EIF2A: variants seen among roughly 807,000 people sequenced by gnomAD.
EIF2A encodes 65 kDa eukaryotic translation initiation factor 2A.
A neutral mutation model predicts 75.2 loss-of-function variants in EIF2A; 62 were observed. That is an observed-to-expected ratio of 0.82 (90% CI 0.67 to 1.02). The LOEUF is 1.02. Ranked by LOEUF, EIF2A falls within the 50% of genes least tolerant of loss-of-function variation. The pLI is 0.00. For missense variants in EIF2A, 611 were observed against 677.7 expected (o/e 0.90, Z 1.09); for synonymous variants, 207 against 239.0 (o/e 0.87, Z 1.23).
intron 6 of EIF2A, chr3:150,565,013 T>A: frequency 6.5e-6 from 2 of 306,108 alleles, no homozygotes; most frequent in Non-Finnish European, 1.3e-5. Context: ...TTGATTGATA[T>A]ATCTTTTATG....
chr3:150,569,986 T>C (rs991475485), intron 9 of EIF2A, among the ~76,000 whole-genome samples: 2 of 152,160 alleles, frequency 1.3e-5, no homozygotes, highest in African/African-American at 4.8e-5. Context: ...GGAGAAAATA[T>C]TGATCATTTA....
Position 150,568,161 on chromosome 3 carries a change from T to C in EIF2A, c.695-15T>C. 6.2e-7 allele frequency: 1 copy of C among 1,607,236 alleles called. No homozygotes were observed. Among genetic ancestry groups the C allele is most frequent in the Non-Finnish European group, 8.5e-7 (1 of 1,177,862 alleles). On this transcript the variant is annotated splice_polypyrimidine_tract_variant and intron_variant, in intron 8 of 13. Coordinates refer to ENST00000460851, the MANE Select transcript of EIF2A (RefSeq NM_032025.5). ...ATTTGTGTTTTAAATCTAATTAAAGTTTTTACTGTTATAGCTACTGCTGTG... is the reference window on the plus strand; with the variant it reads ...ATTTGTGTTTTAAATCTAATTAAAGCTTTTACTGTTATAGCTACTGCTGTG...
intron 13 of EIF2A, among the ~76,000 whole-genome samples, 140 bp from the exon 14 acceptor site, chr3:150,583,685 ATACCAGATAACAAATTAGAAT>A (rs372672704): frequency 0.014 from 2,207 of 152,296 alleles, 54 homozygotes; most frequent in African/African-American, 0.051. Context: ...CCCTCGATTC[ATACCAGATAACAAATTAGAAT>A]TTGTTTCTAA....
At chr3:150,576,236 G>A (rs776885655) in intron 11 of EIF2A, among the ~76,000 whole-genome samples, 22 of 152,188 alleles carry the variant, frequency 1.4e-4, no homozygotes, top group Non-Finnish European at 2.4e-4. Flanking sequence ...AGCCCAGTTC[G>A]AGACCAGCCT....
At chr3:150,566,547 A>G (rs144820900) in intron 6 of EIF2A, 133 of 151,964 alleles carry the variant, frequency 8.8e-4, no homozygotes, top group African/African-American at 3.0e-3. Context: ...TCATAATTTT[A>G]TTTAAATTAA....
chr3:150,573,547 C>G (rs539952499), intron 10 of EIF2A, among the ~76,000 whole-genome samples: 1 of 152,160 alleles, frequency 6.6e-6, no homozygotes, highest in African/African-American at 2.4e-5. Context: ...CCACTGTACC[C>G]GGCCAGGATT....
chr3:150,552,319 C>G, intron 1 of EIF2A, 37 bp from the exon 2 acceptor site: 5 of 1,522,084 alleles, frequency 3.3e-6, no homozygotes, highest in Non-Finnish European at 4.4e-6. Flanking sequence ...TCTTTATTAA[C>G]AAAGTAATTG....
rs1559880993 is a variant in EIF2A at position 150,567,978 on chromosome 3, C to T, written c.626C>T (p.Pro209Leu). The T allele has an allele frequency of 1.9e-6, 3 of 1,613,400 alleles. No individual in the cohort carries two copies. Among genetic ancestry groups the T allele is most frequent in the Middle Eastern group, 1.7e-4 (1 of 6,056 alleles). ...RLYQYPNFAG[P>L]HAALANKSFF... ...TATCAGTACCCCAACTTTGCTGGAC[C>T]TCATGCAGCTTTAGCTAATAAAAGT... is the stretch of plus-strand genomic sequence containing the variant. The change falls in exon 8 of 14, where the codon CCT (proline) becomes CTT (leucine). Residue 209 changes from proline (P) to leucine (L), a missense_variant. Transcript: ENST00000460851.
chr3:150,555,152 C>T (rs1369431969), intron 2 of EIF2A, among the ~76,000 whole-genome samples: 2 of 152,144 alleles, frequency 1.3e-5, no homozygotes, highest in Non-Finnish European at 1.5e-5. Context: ...TGCTCTCCAA[C>T]TCCTGGGCTC....
intron 3 of EIF2A, 76 bp downstream of exon 3, chr3:150,558,538 T>C: frequency 8.1e-7 from 1 of 1,241,154 alleles, no homozygotes; most frequent in Non-Finnish European, 1.1e-6. Context: ...ATAACAGATA[T>C]TTGAGTGTCA....
intron 9 of EIF2A, among the ~76,000 whole-genome samples, chr3:150,568,654 C>G (rs185846746): frequency 6.6e-6 from 1 of 152,098 alleles, no homozygotes; most frequent in Non-Finnish European, 1.5e-5. Context: ...TGGCTCGTGC[C>G]AGTAATTCCA....
chr3:150,574,294 A>G (rs760159997), intron 10 of EIF2A, among the ~76,000 whole-genome samples: 30 of 152,218 alleles, frequency 2.0e-4, no homozygotes, highest in Non-Finnish European at 4.1e-4. Flanking sequence ...CTCATGATTT[A>G]TAGTAGTTGT....
chr3:150,569,722 T>C (rs201517474), intron 9 of EIF2A, among the ~76,000 whole-genome samples: 3 of 151,634 alleles, frequency 2.0e-5, no homozygotes, highest in African/African-American at 7.3e-5. Flanking sequence ...GGCTGAGGCA[T>C]GAGAATTGCT....
In EIF2A at chr3:150,568,206, A is replaced by G; in HGVS notation, c.725A>G (p.Asp242Gly). The G allele has an allele frequency of 6.2e-7, 1 of 1,613,524 alleles. No homozygotes were observed. The change falls in exon 9 of 14, where the codon GAT becomes GGT. Residue 242 changes from aspartate (D) to glycine (G), a missense_variant. By Grantham distance (94) the Asp-to-Gly change is moderately conservative. Transcript: ENST00000460851. ...GCTGTGTTGGTAATAGCTAGCACAGATGTTGACAAGACAGGAGCTTCCTAC... is the reference window on the plus strand; with the variant it reads ...GCTGTGTTGGTAATAGCTAGCACAGGTGTTGACAAGACAGGAGCTTCCTAC... ...ATAVLVIAST[D>G]VDKTGASYYG...
chr3:150,559,267 G>A (rs1723724691), intron 3 of EIF2A, among the ~76,000 whole-genome samples: 1 of 152,148 alleles, frequency 6.6e-6, no homozygotes, highest in Non-Finnish European at 1.5e-5. Context: ...GACTACTAAA[G>A]AGAACATGTT....
At chr3:150,552,318 A>T in intron 1 of EIF2A, 38 bp from the exon 2 acceptor site, 1 of 1,523,382 alleles carries the variant, frequency 6.6e-7, no homozygotes, top group Non-Finnish European at 8.9e-7. Flanking sequence ...GTCTTTATTA[A>T]CAAAGTAATT....
chr3:150,568,416 A>G (rs1288618275), intron 9 of EIF2A, 124 bp downstream of exon 9: 31 of 772,740 alleles, frequency 4.0e-5, no homozygotes, highest in Non-Finnish European at 5.9e-5. Context: ...ATAACCTTTA[A>G]GATAAAATTT....
At chr3:150,572,621 G>A (rs1224660090) in intron 10 of EIF2A, 92 bp downstream of exon 10, 14 of 1,221,686 alleles carry the variant, frequency 1.1e-5, no homozygotes, top group African/African-American at 7.6e-5. Context: ...TCGGGAGGCC[G>A]AGGCGGGAGG....
At chr3:150,560,576 C>T (rs1723795140) in intron 3 of EIF2A, among the ~76,000 whole-genome samples, 1 of 152,064 alleles carries the variant, frequency 6.6e-6, no homozygotes, top group Admixed American at 6.6e-5. Context: ...TAAAGATTTC[C>T]ATGTTAGGTG....
Sources: allele counts gnomAD v4.1 joint callset (sites outside exome capture counted in the v4.1 genomes callset), GRCh38; gene constraint gnomAD v4.1.1; transcripts MANE v1.5; gene names NCBI Gene and HGNC (gene_info 2026-07-23, HGNC 2026-07-21).